Variants in MCTP1 observed in about 807,000 individuals in gnomAD.
MCTP1 encodes multiple C2 and transmembrane domain containing 1.
MCTP1 carries 69 observed loss-of-function variants against 120.6 expected under a neutral mutation model. That is an observed-to-expected ratio of 0.57 (90% CI 0.47 to 0.70). The LOEUF (loss-of-function observed/expected upper bound fraction) is 0.70, where lower values mean the gene tolerates loss of function less well. Ranked by LOEUF, MCTP1 falls within the 30% of genes least tolerant of loss-of-function variation. The probability of loss-of-function intolerance (pLI) is 0.00; values close to 1 mark genes in which losing one functional copy is unlikely to be tolerated. For synonymous variants in MCTP1, 529 were observed against 493.1 expected, an observed-to-expected ratio of 1.07 and a Z score of -0.96; for missense variants, 1,203 against 1,248.8, an observed-to-expected ratio of 0.96 and a Z score of 0.55.
At chr5:95,166,210 T>G (rs1029430826) in intron 1 of MCTP1, 2 of 152,244 alleles carry the variant, frequency 1.3e-5, no homozygotes, top group African/African-American at 4.8e-5. Flanking sequence ...TTTTCCCCTA[T>G]GGACAAAATG....
chr5:95,236,464 A>C (rs73142029), intron 1 of MCTP1, among the ~76,000 whole-genome samples: 124 of 152,278 alleles, frequency 8.1e-4, no homozygotes, highest in African/African-American at 2.9e-3. Flanking sequence ...AAAAATAGTT[A>C]ATAGCTGGCC....
intron 3 of MCTP1, among the ~76,000 whole-genome samples, chr5:94,952,532 G>C (rs1820886228): frequency 6.6e-6 from 1 of 152,148 alleles, no homozygotes; most frequent in Non-Finnish European, 1.5e-5. Flanking sequence ...TGCTGTTGTG[G>C]TAAAAGTAGA....
At chr5:94,736,956 A>C (rs1764401484) in intron 19 of MCTP1, among the ~76,000 whole-genome samples, 1 of 152,108 alleles carries the variant, frequency 6.6e-6, no homozygotes, top group South Asian at 2.1e-4. Flanking sequence ...AGACATGGAG[A>C]CCCTGACTTC....
chr5:94,958,050 G>T (rs1823097561), intron 2 of MCTP1, among the ~76,000 whole-genome samples: 1 of 152,130 alleles, frequency 6.6e-6, no homozygotes, highest in Non-Finnish European at 1.5e-5. Flanking sequence ...CAAAAGAACA[G>T]AAATTATAAC....
At chr5:94,712,747 T>C in intron 20 of MCTP1, among the ~76,000 whole-genome samples, 1 of 151,984 alleles carries the variant, frequency 6.6e-6, no homozygotes, top group East Asian at 1.9e-4. Flanking sequence ...GATGGATACC[T>C]GTGCCTCCCT....
At chr5:95,079,470 A>G (rs1350047026) in intron 1 of MCTP1, among the ~76,000 whole-genome samples, 1 of 152,180 alleles carries the variant, frequency 6.6e-6, no homozygotes, top group Non-Finnish European at 1.5e-5. Context: ...ACCACATGCT[A>G]TCTCACTGCA....
intron 19 of MCTP1, among the ~76,000 whole-genome samples, chr5:94,761,004 A>T: frequency 6.6e-6 from 1 of 152,198 alleles, no homozygotes. Flanking sequence ...AAGTTTAGAG[A>T]TATTAGTGAT....
intron 1 of MCTP1, among the ~76,000 whole-genome samples, chr5:95,250,228 T>C (rs901204489): frequency 4.6e-5 from 7 of 152,156 alleles, no homozygotes; most frequent in Admixed American, 4.6e-4. Flanking sequence ...TTACGAAATG[T>C]TGAGTTCCCT....
At chr5:94,773,964 T>C (rs1774699299) in intron 19 of MCTP1, among the ~76,000 whole-genome samples, 1 of 109,716 alleles carries the variant, frequency 9.1e-6, no homozygotes, top group Non-Finnish European at 1.9e-5. Flanking sequence ...ATCCCAGCAC[T>C]TTGGGAGGCC....
chr5:95,277,091 G>A (rs1015203559), intron 1 of MCTP1, among the ~76,000 whole-genome samples: 1 of 152,180 alleles, frequency 6.6e-6, no homozygotes, highest in African/African-American at 2.4e-5. Context: ...GCATAGCTAA[G>A]TGAGGATGTA....
At chr5:94,780,755 T>A in intron 18 of MCTP1, among the ~76,000 whole-genome samples, 1 of 152,164 alleles carries the variant, frequency 6.6e-6, no homozygotes, top group African/African-American at 2.4e-5. Flanking sequence ...CCAAGGCACA[T>A]AGTGCTAGGT....
intron 1 of MCTP1, among the ~76,000 whole-genome samples, chr5:95,093,912 C>G (rs1257942111): frequency 6.6e-6 from 1 of 152,160 alleles, no homozygotes; most frequent in Non-Finnish European, 1.5e-5. Context: ...ACAAGGAAAC[C>G]CAAGCAAGCT....
At chr5:95,143,123 T>C (rs1459789145) in intron 1 of MCTP1, among the ~76,000 whole-genome samples, 1 of 152,196 alleles carries the variant, frequency 6.6e-6, no homozygotes, top group African/African-American at 2.4e-5. Flanking sequence ...GCATTCCTCC[T>C]TCCACAGGAC....
rs548450745 is a variant in MCTP1 at position 95,030,446 on chromosome 5, C to T, written c.721-12962G>A. Among the ~76,000 whole-genome samples the T allele has an allele frequency of 2.1e-4, 32 of 152,286 alleles. 1 individual carries two copies. In the South Asian group the frequency reaches 6.4e-3, roughly 31 times the overall value. ...AGTGCTAGTCCATGAGATAAGCTTC[C>T]TGAAACTCCACACTCTCAGCCCCAC... is the stretch of plus-strand genomic sequence containing the variant. On this transcript the variant is annotated intron_variant, in intron 1 of 22. Transcript: ENST00000515393.
At chr5:95,271,924 C>G (rs968141577) in intron 1 of MCTP1, among the ~76,000 whole-genome samples, 2 of 152,010 alleles carry the variant, frequency 1.3e-5, no homozygotes, top group Middle Eastern at 3.2e-3. Flanking sequence ...ATAATTTTCT[C>G]TTTTGCTGAA....
intron 2 of MCTP1, among the ~76,000 whole-genome samples, chr5:94,969,283 A>G (rs1826262985): frequency 6.6e-6 from 1 of 152,164 alleles, no homozygotes; most frequent in Non-Finnish European, 1.5e-5. Context: ...CAACACAACT[A>G]AACGTGGTCT....
intron 14 of MCTP1, 139 bp from the exon 15 acceptor site, chr5:94,871,112 T>C (rs1797774866): frequency 1.4e-6 from 1 of 740,204 alleles, no homozygotes; most frequent in East Asian, 2.6e-5. Flanking sequence ...ACCTGTTCAT[T>C]ACCAGGATCA....
intron 1 of MCTP1, among the ~76,000 whole-genome samples, chr5:95,127,318 A>T (rs1758708741): frequency 6.6e-6 from 1 of 152,154 alleles, no homozygotes; most frequent in Non-Finnish European, 1.5e-5. Context: ...AATGACAAGC[A>T]GAAAGTGCTC....
At chr5:94,974,652 C>T (rs925369430) in intron 2 of MCTP1, among the ~76,000 whole-genome samples, 4 of 151,620 alleles carry the variant, frequency 2.6e-5, no homozygotes, top group Non-Finnish European at 4.4e-5. Flanking sequence ...TAATTAATTA[C>T]AAATATTATA....
Sources: gnomAD v4.1 joint callset for allele counts (sites outside exome capture counted in the v4.1 genomes callset) on GRCh38, gnomAD v4.1.1 for gene constraint, MANE v1.5 for transcripts, NCBI Gene and HGNC (gene_info 2026-07-23, HGNC 2026-07-21) for gene names.